ROBO2: variants seen among roughly 807,000 people sequenced by gnomAD.
ROBO2 encodes the protein roundabout guidance receptor 2, also known as roundabout homolog 2.
ROBO2 carries 53 observed loss-of-function variants against 160.8 expected under a neutral mutation model. That is an observed-to-expected ratio of 0.33 (90% confidence interval 0.26 to 0.41). ROBO2 has a LOEUF of 0.41. Among genes scored for constraint, ROBO2 ranks in the 10% least tolerant of loss-of-function variants. ROBO2 has a pLI of 1.00. For synonymous variants in ROBO2, 664 were observed against 611.7 expected (o/e 1.09, Z -1.26); for missense variants, 1,577 against 1,722.4 (o/e 0.92, Z 1.49).
rs185019317 is a variant in ROBO2, at chr3:75,987,927, A to G, written c.109+50325A>G. On this transcript the variant is annotated intron_variant, in intron 2 of 26. Transcript: ENST00000487694. ...AATATGCTGCTGAATTTGGTTTGCT[A>G]GTATTTTGTGGAGGATTTTTGCGTT... Among the ~76,000 whole-genome samples the G allele has an allele frequency of 1.9e-4, 29 of 152,054 alleles. 1 individual carries two copies. Among genetic ancestry groups the G allele is most frequent in the African/African-American group, 6.7e-4 (28 of 41,512 alleles).
Position 77,387,324 on chromosome 3 carries a change from G to A in ROBO2, c.389-90090G>A, listed in dbSNP as rs186662183. 3.5e-4 allele frequency among the ~76,000 whole-genome samples: 45 copies of A among 127,554 alleles called. 1 individual carries two copies. The highest frequency in any genetic ancestry group is 1.3e-3 in the African/African-American group (42 of 32,246). 83.7% of individuals were successfully genotyped at this position (127,554 alleles called of 152,430 possible). A position where few individuals can be genotyped will look rare whatever the true frequency, so the allele number is the denominator to read the frequency against. ...TCAAGAACAACCTGGCCAACATAGG[G>A]AAACCCCGTCTCTCAAAAAAAAAAA... On this transcript the variant is annotated intron_variant, in intron 2 of 25. Transcript: ENST00000461745.
At chr3:76,976,593 T>A (rs568872503) in intron 2 of ROBO2, among the ~76,000 whole-genome samples, 38 of 152,176 alleles carry the variant, frequency 2.5e-4, no homozygotes, top group Non-Finnish European at 5.4e-4. Context: ...GGTATTCCTG[T>A]CTACACAAGG....
chr3:76,610,916 A>T (rs1476536230), intron 2 of ROBO2, among the ~76,000 whole-genome samples: 1 of 152,222 alleles, frequency 6.6e-6, no homozygotes, highest in African/African-American at 2.4e-5. Context: ...GTGCGTGGAC[A>T]CTGGAGAGTG....
rs564407611 is a variant in ROBO2 at position 76,391,825 on chromosome 3, A to G, written c.109+454223A>G. Among the ~76,000 whole-genome samples the G allele has an allele frequency of 4.6e-5, 7 of 152,284 alleles. No homozygotes were observed. In the East Asian group the frequency reaches 9.7e-4, roughly 21 times the overall value. ...CATCCGGCCGATGTTGTTACTTTCT[A>G]TTTTAAGAGAAGTGTTTGTGGTAAG... On this transcript the variant is annotated intron_variant, in intron 2 of 26. Coordinates refer to the ROBO2 transcript ENST00000487694.
chr3:77,495,633 C>A (rs891936015), intron 5 of ROBO2, among the ~76,000 whole-genome samples: 1 of 152,116 alleles, frequency 6.6e-6, no homozygotes, highest in East Asian at 1.9e-4. Flanking sequence ...GGTATGCTAT[C>A]GAATGTGCCC....
At chr3:77,408,453 T>C (rs554296111) in intron 2 of ROBO2, among the ~76,000 whole-genome samples, 39 of 152,288 alleles carry the variant, frequency 2.6e-4, no homozygotes, top group African/African-American at 8.7e-4. Flanking sequence ...GACATTTCAT[T>C]AGGATGTGAA....
chr3:77,391,238 T>C (rs773428094), intron 2 of ROBO2, among the ~76,000 whole-genome samples: 5 of 152,144 alleles, frequency 3.3e-5, no homozygotes, highest in Admixed American at 6.6e-5. Flanking sequence ...GTATTCAAAG[T>C]CAAGTTTTCA....
intron 2 of ROBO2, among the ~76,000 whole-genome samples, chr3:77,407,400 G>A (rs969807823): frequency 2.0e-5 from 3 of 152,090 alleles, no homozygotes; most frequent in Non-Finnish European, 4.4e-5. Flanking sequence ...CCAATTTACT[G>A]ACACATTGCC....
chr3:76,551,561 C>A (rs569203174), intron 2 of ROBO2, among the ~76,000 whole-genome samples: 2 of 152,088 alleles, frequency 1.3e-5, no homozygotes, highest in Non-Finnish European at 2.9e-5. Flanking sequence ...TTGTGGGCAA[C>A]GAGAAGGATA....
At chr3:77,022,692 G>A (rs1168352320) in intron 2 of ROBO2, among the ~76,000 whole-genome samples, 1 of 152,120 alleles carries the variant, frequency 6.6e-6, no homozygotes, top group Admixed American at 6.6e-5. Flanking sequence ...TCATAGGAGT[G>A]TTAGCGTTGA....
chr3:77,457,105 T>A (rs1157809126), intron 2 of ROBO2, among the ~76,000 whole-genome samples: 1 of 152,182 alleles, frequency 6.6e-6, no homozygotes, highest in Non-Finnish European at 1.5e-5. Context: ...CTACAGGCAC[T>A]ATTAGCCCCG....
chr3:75,934,132 T>TG (rs1302304722), intron 1 of ROBO2, among the ~76,000 whole-genome samples: 1 of 152,200 alleles, frequency 6.6e-6, no homozygotes, highest in Non-Finnish European at 1.5e-5. Context: ...CCTTAAACAT[T>TG]TGAAAGACCA....
chr3:77,046,578 TG>T (rs1380441652), intron 1 of ROBO2, among the ~76,000 whole-genome samples: 2 of 152,218 alleles, frequency 1.3e-5, no homozygotes, highest in Non-Finnish European at 2.9e-5. Context: ...AGAGATTTTA[TG>T]TGCCTTGTCA....
chr3:77,484,641 T>C (rs75215416), intron 4 of ROBO2, among the ~76,000 whole-genome samples: 2,685 of 152,080 alleles, frequency 0.018, 74 homozygotes, highest in African/African-American at 0.059. Flanking sequence ...TATTGATGTA[T>C]CAATTTCATA....
At chr3:76,954,213 C>T (rs1240212931) in intron 2 of ROBO2, among the ~76,000 whole-genome samples, 1 of 152,128 alleles carries the variant, frequency 6.6e-6, no homozygotes, top group African/African-American at 2.4e-5. Flanking sequence ...GGAAGTGTAC[C>T]TACCAATGTG....
intron 2 of ROBO2, among the ~76,000 whole-genome samples, chr3:76,674,966 T>G (rs968795128): frequency 2.6e-5 from 4 of 152,142 alleles, no homozygotes; most frequent in African/African-American, 9.7e-5. Context: ...AAGAAACCTT[T>G]GTGTTGTTTA....
At chr3:77,069,655 C>T (rs1422648532) in intron 1 of ROBO2, among the ~76,000 whole-genome samples, 1 of 152,130 alleles carries the variant, frequency 6.6e-6, no homozygotes, top group Non-Finnish European at 1.5e-5. Flanking sequence ...TTAATTAATT[C>T]AGTAAACATG....
At chr3:76,658,291 T>C (rs892520011) in intron 2 of ROBO2, among the ~76,000 whole-genome samples, 1 of 151,980 alleles carries the variant, frequency 6.6e-6, no homozygotes, top group African/African-American at 2.4e-5. Flanking sequence ...ACATTAGTCT[T>C]ATATAAAATA....
At chr3:77,535,490 A>C (rs2153638093) in intron 6 of ROBO2, among the ~76,000 whole-genome samples, 1 of 152,262 alleles carries the variant, frequency 6.6e-6, no homozygotes, top group East Asian at 1.9e-4. Flanking sequence ...TCTTGAAAGA[A>C]GTTTTTCACC....
Sources: allele counts gnomAD v4.1 joint callset (sites outside exome capture counted in the v4.1 genomes callset), GRCh38; gene constraint gnomAD v4.1.1; transcripts MANE v1.5; gene names NCBI Gene and HGNC (gene_info 2026-07-23, HGNC 2026-07-21).